The following GLG1 variants were observed in gnomAD, a reference collection of about 807,000 sequenced individuals.
GLG1 encodes the protein golgi glycoprotein 1.
Under a neutral mutation model 160.5 loss-of-function variants are expected in GLG1, and 38 were observed. That is an observed-to-expected ratio of 0.24 (90% CI 0.18 to 0.31). The LOEUF (loss-of-function observed/expected upper bound fraction) is 0.31. Among genes scored for constraint, GLG1 ranks in the 10% least tolerant of loss-of-function variants. The pLI, the probability that GLG1 is intolerant of heterozygous loss-of-function variation, is 1.00. For missense variants in GLG1, 1,373 were observed against 1,505.2 expected, an observed-to-expected ratio of 0.91 and a Z score of 1.45; for synonymous variants, 644 against 543.4, an observed-to-expected ratio of 1.19 and a Z score of -2.57.
chr16:74,488,393 A>G (rs1364387262), intron 8 of GLG1, among the ~76,000 whole-genome samples: 1 of 152,094 alleles, frequency 6.6e-6, no homozygotes, highest in Non-Finnish European at 1.5e-5. Flanking sequence ...ACAAAACAAC[A>G]AAAAAGAAAT....
chr16:74,510,094 C>T (rs927850407), intron 2 of GLG1, among the ~76,000 whole-genome samples: 1 of 150,530 alleles, frequency 6.6e-6, no homozygotes, highest in Non-Finnish European at 1.5e-5. Context: ...TGCAATGGCG[C>T]GATCTCGGCT....
chr16:74,529,637 G>C (rs1049914889), intron 2 of GLG1, among the ~76,000 whole-genome samples: 8 of 151,734 alleles, frequency 5.3e-5, no homozygotes, highest in African/African-American at 1.9e-4. Context: ...CTGATAGCAT[G>C]CGGGACATTA....
chr16:74,567,066 C>T (rs2018672641), intron 1 of GLG1, among the ~76,000 whole-genome samples: 1 of 151,978 alleles, frequency 6.6e-6, no homozygotes, highest in African/African-American at 2.4e-5. Context: ...TCTAAGAAAA[C>T]CTTTCAGGCC....
chr16:74,492,824 A>G (rs1356896782), intron 7 of GLG1, 133 bp downstream of exon 7: 2 of 179,362 alleles, frequency 1.1e-5, no homozygotes, highest in Non-Finnish European at 2.2e-5. Context: ...CCGTCTCAAG[A>G]AAAAAAAAAA....
chr16:74,575,018 G>C (rs1294441600), intron 1 of GLG1, among the ~76,000 whole-genome samples: 2 of 55,044 alleles, frequency 3.6e-5, no homozygotes, highest in East Asian at 1.1e-3. Context: ...GGGGGGGGGG[G>C]GGGGCGGATC....
intron 4 of GLG1, among the ~76,000 whole-genome samples, chr16:74,502,232 A>G (rs2016431210): frequency 6.6e-6 from 1 of 152,214 alleles, no homozygotes; most frequent in Non-Finnish European, 1.5e-5. Context: ...ACTGGCATCC[A>G]TTACTTTTCA....
intron 11 of GLG1, 71 bp from the exon 12 acceptor site, chr16:74,477,604 T>C: frequency 9.0e-7 from 1 of 1,110,084 alleles, no homozygotes; most frequent in Non-Finnish European, 1.3e-6. Context: ...GAGATAAACC[T>C]GCTATGAGGA....
chr16:74,491,170 C>T lies in GLG1; in HGVS notation c.1280G>A (p.Arg427Gln), dbSNP rs757529923. Residue 427 changes from arginine to glutamine, a missense_variant, in exon 8 of 26, where the codon CGA becomes CAA. Physicochemically the swap from Arg to Gln is conservative, Grantham distance 43. This residue lies in a region of GLG1 where 386 missense variants were observed against 388.5 expected (regional missense o/e 0.99). Transcript: ENST00000422840. The stretch of plus-strand genomic sequence containing the variant: ...AGAAAAGTCTTCCATCAACATGCGT[C>T]GGTAATCCAGCATCTCCCCCTGGCA... ...SECQGEMLDY[R>Q]RMLMEDFSLS... 3.7e-6 allele frequency: 6 copies of T among 1,614,124 alleles called. No individual in the cohort carries two copies. Among genetic ancestry groups the T allele is most frequent in the Non-Finnish European group, 1.7e-6 (2 of 1,179,988 alleles).
intron 1 of GLG1, among the ~76,000 whole-genome samples, chr16:74,580,706 A>G (rs973785640): frequency 8.5e-5 from 13 of 152,244 alleles, no homozygotes; most frequent in Non-Finnish European, 1.9e-4. Context: ...GACCAAATCA[A>G]TAGAGTGAAA....
intron 4 of GLG1, among the ~76,000 whole-genome samples, chr16:74,502,553 G>C (rs1046469874): frequency 6.8e-6 from 1 of 146,792 alleles, no homozygotes; most frequent in Non-Finnish European, 1.5e-5. Context: ...TTTTTTTTTT[G>C]TTTTTTTTGA....
At chr16:74,596,323 G>C (rs150487239) in intron 1 of GLG1, among the ~76,000 whole-genome samples, 2,034 of 152,236 alleles carry the variant, frequency 0.013, 31 homozygotes, top group African/African-American at 0.046. Flanking sequence ...GAGGTCAGCA[G>C]TTCGAGACAA....
At chr16:74,526,084 C>T (rs1597309198) in intron 2 of GLG1, among the ~76,000 whole-genome samples, 4 of 152,138 alleles carry the variant, frequency 2.6e-5, no homozygotes, top group African/African-American at 9.6e-5. Context: ...AACAATTTTC[C>T]GAGAGAGAAG....
chr16:74,555,531 T>A (rs1369079579), intron 1 of GLG1, among the ~76,000 whole-genome samples: 5 of 151,030 alleles, frequency 3.3e-5, no homozygotes, highest in African/African-American at 4.9e-5. Context: ...TACAAAAAAA[T>A]ATTAAAAGAT....
At chr16:74,531,950 A>G (rs1291558233) in intron 2 of GLG1, among the ~76,000 whole-genome samples, 171 bp downstream of exon 2, 1 of 152,216 alleles carries the variant, frequency 6.6e-6, no homozygotes, top group Non-Finnish European at 1.5e-5. Flanking sequence ...GCAGGCTTCT[A>G]CAATGAAGGG....
Position 74,606,958 on chromosome 16 carries a change from A to G in GLG1, c.137T>C (p.Phe46Ser), listed in dbSNP as rs751301270. The G allele has an allele frequency of 9.9e-6, 16 of 1,608,728 alleles. No individual in the cohort carries two copies. Among genetic ancestry groups the G allele is most frequent in the African/African-American group, 2.7e-5 (2 of 74,882 alleles). The change falls in exon 1 of 26, where the codon TTT becomes TCT. Residue 46 changes from phenylalanine to serine, a missense_variant. Phe to Ser is a radical substitution (Grantham distance 155, BLOSUM62 -2). Coordinates refer to ENST00000422840, the MANE Select transcript of GLG1 (RefSeq NM_001145667.2). Reference protein sequence around the residue: ...HSQGQGPGANFVSFVGQAGGG... With the variant: ...HSQGQGPGANSVSFVGQAGGG... ...TCCGGCCTGCCCTACGAAGGACACAAAGTTGGCCCCGGGACCCTGGCCCTG... is the reference window on the plus strand; with the variant it reads ...TCCGGCCTGCCCTACGAAGGACACAGAGTTGGCCCCGGGACCCTGGCCCTG...
intron 4 of GLG1, among the ~76,000 whole-genome samples, chr16:74,501,251 G>A (rs2016394060): frequency 1.3e-5 from 2 of 152,308 alleles, no homozygotes; most frequent in East Asian, 3.9e-4. Context: ...AATGATATAG[G>A]AAGGAAGGTG....
intron 16 of GLG1, chr16:74,469,304 C>A: frequency 1.8e-6 from 1 of 561,376 alleles, no homozygotes; most frequent in African/African-American, 1.9e-5. Flanking sequence ...GGAAGCCACA[C>A]AGGGCACATG....
Position 74,474,630 on chromosome 16 carries a change from C to G in GLG1, c.1968G>C (p.Glu656Asp). ...CCAGATGGTCCTGAAGGCACTCCAG[C>G]TCCTGCAAATATAAAGGCAAGCCAC... ...WCSEKTETGQ[E>D]LECLQDHLDD... The change falls in exon 13 of 26, where the codon GAG (glutamate) becomes GAC (aspartate). Residue 656 changes from glutamate (E) to aspartate (D), a missense_variant and splice_region_variant. Physicochemically the swap from Glu to Asp is conservative, Grantham distance 45. This residue lies in a region of GLG1 where 386 missense variants were observed against 388.5 expected (regional missense o/e 0.99). Transcript: ENST00000422840. 1 of 1,509,434 alleles carries G rather than the reference C, an allele frequency of 6.6e-7. No individual in the cohort carries two copies. The highest frequency in any genetic ancestry group is 9.2e-7 in the Non-Finnish European group (1 of 1,084,290). The allele number at this position is 1,509,434 out of a possible 1,614,324, so 93.5% of individuals were successfully genotyped here.
intron 2 of GLG1, among the ~76,000 whole-genome samples, chr16:74,512,296 G>C (rs1284868662): frequency 6.8e-6 from 1 of 146,200 alleles, no homozygotes; most frequent in Non-Finnish European, 1.5e-5. Context: ...AAAAATTTTT[G>C]CCCAGGCTAG....
Sources: allele counts gnomAD v4.1 joint callset (sites outside exome capture counted in the v4.1 genomes callset), GRCh38; gene constraint gnomAD v4.1.1; regional missense constraint gnomAD v4.1.1; transcripts MANE v1.5; gene names NCBI Gene and HGNC (gene_info 2026-07-23, HGNC 2026-07-21).